FAM117B: variants seen among roughly 807,000 people sequenced by gnomAD.
FAM117B encodes protein FAM117B.
Under a neutral mutation model 52.8 loss-of-function variants are expected in FAM117B, and 22 were observed. The observed-to-expected ratio is 0.42, with a 90% confidence interval of 0.30 to 0.59. The LOEUF (loss-of-function observed/expected upper bound fraction) is 0.59, where lower values mean the gene tolerates loss of function less well. FAM117B is among the 20% of genes least tolerant of loss of function. The pLI, the probability that FAM117B is intolerant of heterozygous loss-of-function variation, is 0.22. For missense variants in FAM117B, 678 were observed against 802.6 expected (o/e 0.84, Z 1.88); for synonymous variants, 309 against 324.1 (o/e 0.95, Z 0.50).
At chr2:202,761,984 C>G (rs1691897704) in intron 7 of FAM117B, among the ~76,000 whole-genome samples, 1 of 151,692 alleles carries the variant, frequency 6.6e-6, no homozygotes, top group Non-Finnish European at 1.5e-5. Flanking sequence ...GCAGTCGTAA[C>G]TAAGTGTGGA....
chr2:202,668,877 G>A (rs983784898), intron 1 of FAM117B, among the ~76,000 whole-genome samples: 2 of 152,066 alleles, frequency 1.3e-5, no homozygotes, highest in Non-Finnish European at 2.9e-5. Flanking sequence ...CTAAATGTGG[G>A]ATTTCAACTC....
chr2:202,718,170 C>G (rs770125207), intron 2 of FAM117B, among the ~76,000 whole-genome samples: 9 of 151,694 alleles, frequency 5.9e-5, no homozygotes, highest in Non-Finnish European at 1.2e-4. Context: ...TGGAACTCAC[C>G]CTTCAGGGCA....
chr2:202,680,481 T>C (rs1690446692), intron 1 of FAM117B, among the ~76,000 whole-genome samples: 1 of 152,050 alleles, frequency 6.6e-6, no homozygotes, highest in African/African-American at 2.4e-5. Flanking sequence ...ACTACAATCA[T>C]GCAGCTCCAA....
intron 1 of FAM117B, among the ~76,000 whole-genome samples, chr2:202,683,719 T>G (rs920634616): frequency 1.3e-5 from 2 of 152,184 alleles, no homozygotes; most frequent in Non-Finnish European, 2.9e-5. Context: ...TCGTGAATTG[T>G]GTAAGAGTTT....
rs144012856 is a variant in FAM117B, at chr2:202,738,610, A to G, written c.960+12247A>G. On this transcript the variant is annotated intron_variant, in intron 4 of 7. Transcript: ENST00000392238. ...TCAAAAGATAAAAATTAAGAATCAC[A>G]TACTCTCACTGTATAGGGATAACTT... Among the ~76,000 whole-genome samples, 9 of 152,340 alleles carry G rather than the reference A, an allele frequency of 5.9e-5. No homozygotes were observed. In the East Asian group the frequency reaches 1.7e-3, roughly 29 times the overall value.
rs566857498 is a variant in FAM117B, at chr2:202,719,090, C to CT, written c.754-5822dup. ...AACATTTAATTAAAACTCAATTTTA[C>CT]TTTTTATTAATACCTAAGTGTCCTA... On this transcript the variant is annotated intron_variant, in intron 2 of 7. Coordinates refer to ENST00000392238, the MANE Select transcript of FAM117B (RefSeq NM_173511.4). 3.6e-3 allele frequency among the ~76,000 whole-genome samples: 543 copies of CT among 152,260 alleles called. 4 individuals carry two copies. Among genetic ancestry groups the CT allele is most frequent in the African/African-American group, 0.013 (524 of 41,556 alleles).
chr2:202,737,067 G>T (rs1691451636), intron 4 of FAM117B, among the ~76,000 whole-genome samples: 1 of 152,056 alleles, frequency 6.6e-6, no homozygotes, highest in Non-Finnish European at 1.5e-5. Context: ...GTCAAAAACA[G>T]CAACTCTAAA....
At chr2:202,708,065 C>G (rs1690901307) in intron 2 of FAM117B, among the ~76,000 whole-genome samples, 1 of 152,120 alleles carries the variant, frequency 6.6e-6, no homozygotes, top group South Asian at 2.1e-4. Flanking sequence ...CCACCACGCC[C>G]AGCCTAATTT....
At chr2:202,663,330 A>G (rs192571285) in intron 1 of FAM117B, among the ~76,000 whole-genome samples, 2 of 152,230 alleles carry the variant, frequency 1.3e-5, no homozygotes, top group African/African-American at 2.4e-5. Context: ...ATATTATGCT[A>G]TGTGACTCAG....
intron 1 of FAM117B, among the ~76,000 whole-genome samples, chr2:202,684,426 G>A (rs1690507013): frequency 6.6e-6 from 1 of 152,138 alleles, no homozygotes; most frequent in African/African-American, 2.4e-5. Context: ...TGGAACATTT[G>A]AATTGTCCAA....
At chr2:202,687,430 G>C (rs544125479) in intron 1 of FAM117B, among the ~76,000 whole-genome samples, 137 of 152,240 alleles carry the variant, frequency 9.0e-4, no homozygotes, top group Non-Finnish European at 1.6e-3. Flanking sequence ...TTTATTTAGA[G>C]ATAGGATGTT....
At chr2:202,699,449 G>GAAAAAAAAAAAAAA (rs59522030) in intron 2 of FAM117B, among the ~76,000 whole-genome samples, 5 of 100,028 alleles carry the variant, frequency 5.0e-5, no homozygotes, top group Non-Finnish European at 7.6e-5. Flanking sequence ...AAAAAAAAAA[G>GAAAAAAAAAAAAAA]AAAAAAAAAA....
chr2:202,640,363 A>T (rs1290623244), intron 1 of FAM117B, among the ~76,000 whole-genome samples: 3 of 122,112 alleles, frequency 2.5e-5, no homozygotes, highest in African/African-American at 9.7e-5. Context: ...TGTTCTTGCT[A>T]GTTTCCCCCT....
At chr2:202,641,871 T>G (rs1470572593) in intron 1 of FAM117B, among the ~76,000 whole-genome samples, 1 of 151,968 alleles carries the variant, frequency 6.6e-6, no homozygotes, top group Non-Finnish European at 1.5e-5. Flanking sequence ...ACTCCTGACC[T>G]CAGGCGGTCC....
intron 1 of FAM117B, among the ~76,000 whole-genome samples, chr2:202,664,171 GGTGA>G (rs3045709): frequency 2.0e-5 from 3 of 152,228 alleles, no homozygotes; most frequent in East Asian, 3.9e-4. Flanking sequence ...CCTCTTTAAG[GGTGA>G]GTGTCATTAG....
At chr2:202,697,857 A>G (rs1690736007) in intron 2 of FAM117B, among the ~76,000 whole-genome samples, 1 of 151,340 alleles carries the variant, frequency 6.6e-6, no homozygotes, top group African/African-American at 2.4e-5. Flanking sequence ...GCCCGAGATA[A>G]TGTTTTTTAT....
At chr2:202,723,264 A>C (rs1019596253) in intron 2 of FAM117B, among the ~76,000 whole-genome samples, 1 of 152,214 alleles carries the variant, frequency 6.6e-6, no homozygotes, top group Non-Finnish European at 1.5e-5. Context: ...CCCCATTTGA[A>C]ACTAGACCAT....
At chr2:202,654,565 ATT>A (rs1236676608) in intron 1 of FAM117B, among the ~76,000 whole-genome samples, 1 of 151,848 alleles carries the variant, frequency 6.6e-6, no homozygotes, top group Non-Finnish European at 1.5e-5. Context: ...TCATATACAC[ATT>A]GTCTGATACT....
chr2:202,670,073 TCTGTTTGTTAG>T (rs1221491770), intron 1 of FAM117B, among the ~76,000 whole-genome samples: 1 of 152,180 alleles, frequency 6.6e-6, no homozygotes, highest in Non-Finnish European at 1.5e-5. Context: ...TTCATGTGGG[TCTGTTTGTTAG>T]CTTCATTCTC....
Sources: gnomAD v4.1 joint callset for allele counts (sites outside exome capture counted in the v4.1 genomes callset) on GRCh38, gnomAD v4.1.1 for gene constraint, MANE v1.5 for transcripts, NCBI Gene and HGNC (gene_info 2026-07-23, HGNC 2026-07-21) for gene names.